PKNOX2: variants seen among roughly 807,000 people sequenced by gnomAD.
PKNOX2 encodes the protein PBX/knotted 1 homeobox 2, also known as homeobox protein PKNOX2.
In PKNOX2, 14 loss-of-function variants were observed where a neutral mutation model predicts 53.1. The ratio of observed to expected loss-of-function variants is 0.26; its 90% CI spans 0.17 to 0.41. The LOEUF is 0.41. PKNOX2 is among the 10% of genes least tolerant of loss of function. PKNOX2 has a pLI of 1.00. For missense variants in PKNOX2, 496 were observed against 602.8 expected (o/e 0.82, Z 1.85); for synonymous variants, 257 against 242.8 (o/e 1.06, Z -0.54).
chr11:125,344,028 C>T (rs1009372353), intron 3 of PKNOX2, among the ~76,000 whole-genome samples: 8 of 152,108 alleles, frequency 5.3e-5, no homozygotes, highest in Non-Finnish European at 8.8e-5. Context: ...GAGGAGGGAG[C>T]GGCTGAGGAG....
At chr11:125,224,986 G>A (rs1403955891) in intron 1 of PKNOX2, among the ~76,000 whole-genome samples, 1 of 152,214 alleles carries the variant, frequency 6.6e-6, no homozygotes, top group African/African-American at 2.4e-5. Flanking sequence ...GGTGCTGGGT[G>A]CTCCCTCCAG....
intron 1 of PKNOX2, among the ~76,000 whole-genome samples, chr11:125,181,408 T>C (rs1487661719): frequency 1.3e-5 from 2 of 152,242 alleles, no homozygotes; most frequent in Admixed American, 6.5e-5. Flanking sequence ...AAGTGCTGCC[T>C]GAAGGAAGCA....
At chr11:125,405,800 T>G (rs375638377) in intron 7 of PKNOX2, among the ~76,000 whole-genome samples, 1 of 151,918 alleles carries the variant, frequency 6.6e-6, no homozygotes, top group Non-Finnish European at 1.5e-5. Context: ...GGAACAGGAG[T>G]GGGGCCGCTT....
intron 6 of PKNOX2, among the ~76,000 whole-genome samples, chr11:125,396,046 T>C (rs967342791): frequency 1.3e-5 from 2 of 151,554 alleles, no homozygotes; most frequent in Non-Finnish European, 2.9e-5. Flanking sequence ...GTCCACCTCC[T>C]GGGTTCAAGC....
intron 2 of PKNOX2, among the ~76,000 whole-genome samples, chr11:125,312,739 G>A (rs7105281): frequency 0.15 from 22,683 of 152,080 alleles, 3,788 homozygotes; most frequent in African/African-American, 0.41. Flanking sequence ...CCAATTCAGC[G>A]GGCTCAGCAG....
intron 5 of PKNOX2, among the ~76,000 whole-genome samples, chr11:125,374,768 T>C (rs567010241): frequency 6.6e-6 from 1 of 152,342 alleles, no homozygotes; most frequent in Admixed American, 6.5e-5. Flanking sequence ...CACAAGGTTA[T>C]GTTAGGATTC....
At chr11:125,178,649 G>GAAAGAAA (rs1565462458) in intron 1 of PKNOX2, among the ~76,000 whole-genome samples, 5 of 51,664 alleles carry the variant, frequency 9.7e-5, no homozygotes, top group Admixed American at 2.0e-4. Flanking sequence ...AAAGAAAGAA[G>GAAAGAAA]GAAGGAAGGA....
chr11:125,283,668 G>A (rs1417925655), intron 2 of PKNOX2, among the ~76,000 whole-genome samples: 10 of 152,194 alleles, frequency 6.6e-5, no homozygotes, highest in African/African-American at 2.4e-4. Context: ...TTTGTTCTGG[G>A]TTGGAAGATG....
chr11:125,235,770 C>T (rs1396061237), intron 2 of PKNOX2, among the ~76,000 whole-genome samples: 8 of 152,192 alleles, frequency 5.3e-5, no homozygotes, highest in Non-Finnish European at 1.0e-4. Context: ...CATTCACACA[C>T]GCTGCCCCTG....
At chr11:125,168,830 T>C (rs1203808143) in intron 1 of PKNOX2, among the ~76,000 whole-genome samples, 1 of 152,266 alleles carries the variant, frequency 6.6e-6, no homozygotes, top group Non-Finnish European at 1.5e-5. Flanking sequence ...ACTGCGTTGT[T>C]AGCAATTGAA....
chr11:125,187,405 A>G (rs11219957), intron 1 of PKNOX2, among the ~76,000 whole-genome samples: 56,732 of 151,928 alleles, frequency 0.37, 10,978 homozygotes, highest in East Asian at 0.47. Context: ...TTTTCAGTAT[A>G]CAAGTCTTTC....
intron 2 of PKNOX2, among the ~76,000 whole-genome samples, chr11:125,290,765 T>C (rs531597313): frequency 6.6e-6 from 1 of 152,148 alleles, no homozygotes; most frequent in Non-Finnish European, 1.5e-5. Context: ...GGTGGAGAAA[T>C]GGGTCAGTAA....
At chr11:125,404,768 C>T (rs868104776) in intron 7 of PKNOX2, among the ~76,000 whole-genome samples, 75 of 152,212 alleles carry the variant, frequency 4.9e-4, no homozygotes, top group Non-Finnish European at 1.8e-4. Flanking sequence ...AAAGACCCCT[C>T]TTTCCCTCAA....
chr11:125,417,374 C>T (rs1051516754), intron 10 of PKNOX2, among the ~76,000 whole-genome samples: 1 of 152,036 alleles, frequency 6.6e-6, no homozygotes, highest in African/African-American at 2.4e-5. Flanking sequence ...CCAGCAGGCC[C>T]TGCCATCCAC....
chr11:125,180,738 C>A (rs1275380795), intron 1 of PKNOX2, among the ~76,000 whole-genome samples: 1 of 152,196 alleles, frequency 6.6e-6, no homozygotes, highest in Non-Finnish European at 1.5e-5. Context: ...CTCCTGGGGC[C>A]ACATGGCCTG....
chr11:125,268,555 G>T (rs926076670), intron 2 of PKNOX2, among the ~76,000 whole-genome samples: 6 of 152,208 alleles, frequency 3.9e-5, no homozygotes, highest in African/African-American at 1.2e-4. Flanking sequence ...GGGAGCTGGT[G>T]TTGGTGACTT....
chr11:125,359,837 A>G lies in PKNOX2; in HGVS notation c.88-8009A>G, dbSNP rs1473217873. 2.6e-5 allele frequency among the ~76,000 whole-genome samples: 4 copies of G among 152,328 alleles called. No individual in the cohort carries two copies. The East Asian group carries it at 5.8e-4, about 22-fold the overall frequency. ...GGGGCTGGCTGGCACCTACTCTGCC[A>G]TGTCAGGTGGAGGGCTCAGAAGAGG... On this transcript the variant is annotated intron_variant, in intron 4 of 12. Coordinates refer to ENST00000298282, the MANE Select transcript of PKNOX2 (RefSeq NM_001382323.2).
At chr11:125,204,531 C>T (rs537890413) in intron 1 of PKNOX2, among the ~76,000 whole-genome samples, 4 of 152,162 alleles carry the variant, frequency 2.6e-5, no homozygotes, top group African/African-American at 9.7e-5. Flanking sequence ...CCCATTGTCA[C>T]AGGTTGAACG....
intron 2 of PKNOX2, among the ~76,000 whole-genome samples, chr11:125,323,099 G>A (rs955627609): frequency 1.3e-5 from 2 of 152,076 alleles, no homozygotes; most frequent in East Asian, 1.9e-4. Context: ...GAGCAGTGAC[G>A]TGCTGATGCA....
Sources: allele counts gnomAD v4.1 joint callset (sites outside exome capture counted in the v4.1 genomes callset), GRCh38; gene constraint gnomAD v4.1.1; transcripts MANE v1.5; gene names NCBI Gene and HGNC (gene_info 2026-07-23, HGNC 2026-07-21).